The following PER2 variants were observed in gnomAD, a reference collection of about 807,000 sequenced individuals.
The protein encoded by PER2 is period circadian protein homolog 2.
In PER2, 66 loss-of-function variants were observed where a neutral mutation model predicts 121.0. That is an observed-to-expected ratio of 0.55 (90% CI 0.45 to 0.67). PER2 has a LOEUF of 0.67. Ranked by LOEUF, PER2 falls within the 30% of genes least tolerant of loss-of-function variation. The probability of loss-of-function intolerance (pLI) is 0.00; values close to 1 mark genes in which losing one functional copy is unlikely to be tolerated. For synonymous variants in PER2, 684 were observed against 659.9 expected, an observed-to-expected ratio of 1.04 and a Z score of -0.56; for missense variants, 1,521 against 1,635.0, an observed-to-expected ratio of 0.93 and a Z score of 1.20.
chr2:238,257,425 G>A (rs568848325), intron 16 of PER2, among the ~76,000 whole-genome samples: 2 of 152,324 alleles, frequency 1.3e-5, no homozygotes, highest in East Asian at 3.9e-4. Context: ...CCTGTGGGGA[G>A]GGGCTTTCCG....
At chr2:238,286,754 C>T (rs1369148960) in intron 1 of PER2, among the ~76,000 whole-genome samples, 2 of 152,248 alleles carry the variant, frequency 1.3e-5, no homozygotes, top group South Asian at 2.1e-4. Flanking sequence ...CTGACAGAGC[C>T]GTGGTTTGCC....
At position 238,256,384 on chromosome 2, in the gene PER2, A is replaced by C. The variant is rs147401795; in HGVS notation, c.2066-473T>G. On this transcript the variant is annotated intron_variant, in intron 17 of 22. Coordinates refer to ENST00000254657, the MANE Select transcript of PER2 (RefSeq NM_022817.3). ...CTTGGGGACTGGATCTTGGACATAC[A>C]CTTTTTCCTTATCATTTCCCTCTTC... Among the ~76,000 whole-genome samples the C allele has an allele frequency of 1.4e-4, 21 of 152,284 alleles. No individual in the cohort carries two copies. The East Asian group carries it at 4.0e-3, about 29-fold the overall frequency.
chr2:238,268,849 C>G lies in PER2; in HGVS notation c.824+74G>C. On this transcript the variant is annotated intron_variant, in intron 7 of 22. Coordinates refer to ENST00000254657, the MANE Select transcript of PER2 (RefSeq NM_022817.3). The surrounding 1 kb of genome is among the most constrained non-coding windows in gnomAD (Gnocchi z 4.0). ...TGCAGGCAGGGATCACGCCCCCCAG[C>G]CTCAAGCGGAGCAGTGCTGGGGTGA... is the stretch of plus-strand genomic sequence containing the variant. 2 of 1,118,174 alleles carry G rather than the reference C, an allele frequency of 1.8e-6. No homozygotes were observed. The highest frequency in any genetic ancestry group is 2.7e-6 in the Non-Finnish European group (2 of 728,376). The allele number at this position is 1,118,174 out of a possible 1,614,324, so 69.3% of individuals were successfully genotyped here.
At chr2:238,260,133 T>G (rs1695883642) in intron 13 of PER2, 80 bp from the exon 14 acceptor site, 1 of 695,248 alleles carries the variant, frequency 1.4e-6, no homozygotes, top group Non-Finnish European at 2.6e-6. Flanking sequence ...GAACAGAGGA[T>G]GGCTGAAATA....
chr2:238,264,935 T>C (rs1423613074), intron 9 of PER2, among the ~76,000 whole-genome samples: 2 of 152,228 alleles, frequency 1.3e-5, no homozygotes. Context: ...CCACTGCACC[T>C]AGCCGGCCCA....
intron 1 of PER2, among the ~76,000 whole-genome samples, chr2:238,285,563 G>A (rs763797910): frequency 6.6e-6 from 1 of 152,186 alleles, no homozygotes; most frequent in Non-Finnish European, 1.5e-5. Context: ...AACCTAAGGC[G>A]GAAAAGCATT....
At chr2:238,276,814 G>A (rs1224493365) in intron 3 of PER2, among the ~76,000 whole-genome samples, 1 of 152,164 alleles carries the variant, frequency 6.6e-6, no homozygotes, top group African/African-American at 2.4e-5. Flanking sequence ...TTGACATAGG[G>A]TAAGTTTGTT....
At position 238,260,835 on chromosome 2, in the gene PER2, C is replaced by T. The variant is rs1695903059; in HGVS notation, c.1535G>A (p.Arg512Lys). 6.2e-7 allele frequency: 1 copy of T among 1,614,146 alleles called. No homozygotes were observed. The change falls in exon 13 of 23, where the codon AGG becomes AAG. Residue 512 changes from arginine (R) to lysine (K), a missense_variant. Physicochemically the swap from Arg to Lys is conservative, Grantham distance 26. Coordinates refer to ENST00000254657, the MANE Select transcript of PER2 (RefSeq NM_022817.3). ...GAATGGAAGGAGACGTACGGCTCTC[C>T]TCCGGCGTGAGTCCTCATGGCCGTT... Reference protein sequence around the residue: ...DSNGHEDSRRRRAEICKNGNK... With the variant: ...DSNGHEDSRRKRAEICKNGNK...
At chr2:238,266,090 A>G (rs746095051) in intron 8 of PER2, among the ~76,000 whole-genome samples, 8 of 150,304 alleles carry the variant, frequency 5.3e-5, no homozygotes, top group Non-Finnish European at 7.4e-5. Flanking sequence ...TTTTTAGTTG[A>G]GGTGGGGTTT....
At chr2:238,282,687 AGGGCTGGCACTG>A (rs1002513899) in intron 1 of PER2, among the ~76,000 whole-genome samples, 3 of 152,244 alleles carry the variant, frequency 2.0e-5, no homozygotes, top group African/African-American at 2.4e-5. Context: ...CTTAGCACTG[AGGGCTGGCACTG>A]GGGCAGACAA....
intron 11 of PER2, 36 bp from the exon 12 acceptor site, chr2:238,261,873 C>T: frequency 6.9e-7 from 1 of 1,440,690 alleles, no homozygotes; most frequent in Non-Finnish European, 9.6e-7. Context: ...AGATGGGGCC[C>T]CACAGGAGGA....
chr2:238,271,600 G>T, intron 5 of PER2, 87 bp from the exon 6 acceptor site: 1 of 1,014,228 alleles, frequency 9.9e-7, no homozygotes, highest in Non-Finnish European at 1.5e-6. Context: ...GGAGGGAGCC[G>T]CCCACCAGGA....
Position 238,249,070 on chromosome 2 carries a change from C to T in PER2, c.3610G>A (p.Asp1204Asn), listed in dbSNP as rs748768919. The change falls in exon 22 of 23, where the codon GAC becomes AAC. Residue 1204 changes from aspartate to asparagine, a missense_variant. Transcript: ENST00000254657. ...MQTGGLPAAI[D>N]VAECVYCENK... Reference sequence around the variant, plus strand: ...GAGTCCCGTGAGCTTACTGCCACGTCGATGGCTGCGGGCAGGCCGCCCGTC... The same window carrying T: ...GAGTCCCGTGAGCTTACTGCCACGTTGATGGCTGCGGGCAGGCCGCCCGTC... 5.6e-6 allele frequency: 9 copies of T among 1,614,154 alleles called. No homozygotes were observed. Among genetic ancestry groups the T allele is most frequent in the South Asian group, 2.2e-5 (2 of 91,086 alleles).
upstream of PER2, among the ~76,000 whole-genome samples, chr2:238,288,911 G>A (rs1395342046): frequency 6.6e-6 from 1 of 152,092 alleles, no homozygotes; most frequent in African/African-American, 2.4e-5. Context: ...GCCCATTGGT[G>A]GCCGCGCCCG....
intron 5 of PER2, among the ~76,000 whole-genome samples, chr2:238,271,827 C>G (rs560961531): frequency 6.6e-6 from 1 of 152,158 alleles, no homozygotes; most frequent in Non-Finnish European, 1.5e-5. Context: ...CAGAAACATT[C>G]CAAACTCCTC....
rs2106371737 is a variant in PER2 at position 238,256,912 on chromosome 2, A to G, written c.2065+10T>C. 6.2e-7 allele frequency: 1 copy of G among 1,613,388 alleles called. No individual in the cohort carries two copies. The highest frequency in any genetic ancestry group is 8.5e-7 in the Non-Finnish European group (1 of 1,179,436). On this transcript the variant is annotated intron_variant, in intron 17 of 22. Coordinates refer to ENST00000254657, the MANE Select transcript of PER2 (RefSeq NM_022817.3). ...AAACTGCTCTCTGATCCAAGAGCCC[A>G]TAGTCATACCTAACTCCGGCTGCGG... is the stretch of plus-strand genomic sequence containing the variant.
upstream of PER2, among the ~76,000 whole-genome samples, chr2:238,290,306 T>G (rs995070838): frequency 2.0e-5 from 3 of 150,628 alleles, no homozygotes; most frequent in African/African-American, 4.9e-5. Context: ...CCCTAACACA[T>G]ACACACACAA....
intron 5 of PER2, 110 bp from the exon 6 acceptor site, chr2:238,271,623 G>A (rs1207190035): frequency 1.2e-6 from 1 of 811,290 alleles, no homozygotes; most frequent in African/African-American, 1.7e-5. Flanking sequence ...GTTGGAGGTG[G>A]GGGGCTCTCT....
chr2:238,261,697 C>A, intron 12 of PER2, 32 bp downstream of exon 12: 1 of 1,427,474 alleles, frequency 7.0e-7, no homozygotes, highest in Non-Finnish European at 9.7e-7. Flanking sequence ...AGGCTGCTAC[C>A]TGGGAGGAGG....
Sources: gnomAD v4.1 joint callset for allele counts (sites outside exome capture counted in the v4.1 genomes callset) on GRCh38, gnomAD v4.1.1 for gene constraint, Gnocchi (gnomAD v3.1) non-coding constraint, MANE v1.5 for transcripts, NCBI Gene and HGNC (gene_info 2026-07-23, HGNC 2026-07-21) for gene names.